The following ASH1L variants were observed in gnomAD, a reference collection of about 807,000 sequenced individuals.
ASH1L encodes ASH1 like histone lysine methyltransferase, also known as histone-lysine N-methyltransferase ASH1L.
A neutral mutation model predicts 269.0 loss-of-function variants in ASH1L; 23 were observed. The observed-to-expected ratio is 0.09, with a 90% confidence interval of 0.06 to 0.12. ASH1L has a LOEUF of 0.12. ASH1L is among the 10% of genes least tolerant of loss of function. The pLI is 1.00. For missense variants in ASH1L, 2,912 were observed against 3,567.8 expected, an observed-to-expected ratio of 0.82 and a Z score of 4.68; for synonymous variants, 1,187 against 1,253.5, an observed-to-expected ratio of 0.95 and a Z score of 1.12.
intron 16 of ASH1L, 77 bp from the exon 17 acceptor site, chr1:155,352,935 G>T (rs2148355212): frequency 7.3e-7 from 1 of 1,376,580 alleles, no homozygotes; most frequent in Non-Finnish European, 9.9e-7. Flanking sequence ...ATGGATTCCT[G>T]CCATTTGCTC....
intron 6 of ASH1L, among the ~76,000 whole-genome samples, chr1:155,401,473 A>G: frequency 7.1e-6 from 1 of 140,464 alleles, no homozygotes; most frequent in Non-Finnish European, 1.6e-5. Context: ...GCAAGACTCC[A>G]TCTCAAAAAA....
chr1:155,367,347 G>C (rs1030593706), intron 12 of ASH1L, among the ~76,000 whole-genome samples: 1 of 152,116 alleles, frequency 6.6e-6, no homozygotes, highest in Non-Finnish European at 1.5e-5. Flanking sequence ...ATATTAAAAT[G>C]TACTCAATAC....
intron 10 of ASH1L, among the ~76,000 whole-genome samples, chr1:155,372,148 C>T (rs999107309): frequency 1.6e-4 from 24 of 151,766 alleles, no homozygotes; most frequent in African/African-American, 5.1e-4. Context: ...CATACCACAA[C>T]ACCCGGGTAA....
chr1:155,478,322 G>A lies in ASH1L; in HGVS notation c.4548C>T (p.Arg1516=). The A allele has an allele frequency of 6.2e-7, 1 of 1,614,044 alleles. No individual in the cohort carries two copies. ...SSRSVLESLK[R]YRFGKDAVGE... ...CAACAGCATCCTTTCCAAATCTATA[G>A]CGCTTCAAAGATTCCAGGACAGATC... is the stretch of plus-strand genomic sequence containing the variant. Residue 1516 remains arginine (R), a synonymous_variant, in exon 3 of 28, where the codon CGC becomes CGT. Transcript: ENST00000392403. The surrounding 1 kb of genome is among the most constrained non-coding windows in gnomAD (Gnocchi z 4.6).
intron 10 of ASH1L, among the ~76,000 whole-genome samples, chr1:155,374,157 C>T (rs1234920434): frequency 2.0e-5 from 3 of 151,990 alleles, no homozygotes; most frequent in Non-Finnish European, 4.4e-5. Flanking sequence ...GGCGAAACCT[C>T]GTCTCTATTA....
At chr1:155,434,064 G>C in intron 5 of ASH1L, 1 of 1,592,348 alleles carries the variant, frequency 6.3e-7, no homozygotes. Flanking sequence ...TATGCATAAC[G>C]AGAGGATTTT....
chr1:155,357,044 T>G (rs1020858796), intron 15 of ASH1L, among the ~76,000 whole-genome samples: 5 of 135,482 alleles, frequency 3.7e-5, no homozygotes, highest in Non-Finnish European at 7.7e-5. Context: ...GGCCTCTGTA[T>G]TCCAGCCTGG....
intron 1 of ASH1L, among the ~76,000 whole-genome samples, chr1:155,529,913 G>A (rs1018323611): frequency 5.9e-5 from 9 of 151,330 alleles, no homozygotes; most frequent in African/African-American, 1.9e-4. Context: ...GCAGTGAGCC[G>A]AGATTGCGCC....
chr1:155,562,528 A>C lies in ASH1L; in HGVS notation c.-475T>G, dbSNP rs1221103425. ...CGCCTAGCGCCCCCCTCAACCTTCCACTCCTTCCTCCTTGCGTTCTTTCCC... is the reference window on the plus strand; with the variant it reads ...CGCCTAGCGCCCCCCTCAACCTTCCCCTCCTTCCTCCTTGCGTTCTTTCCC... On this transcript the variant is annotated 5_prime_UTR_variant, in exon 1 of 28. Coordinates refer to ENST00000392403, the MANE Select transcript of ASH1L (RefSeq NM_018489.3). 6.6e-7 allele frequency: 1 copy of C among 1,519,190 alleles called. No individual in the cohort carries two copies. 94.1% of individuals were successfully genotyped at this position (1,519,190 alleles called of 1,614,324 possible). A position where few individuals can be genotyped will look rare whatever the true frequency, so the allele number is the denominator to read the frequency against.
chr1:155,360,464 G>C, intron 12 of ASH1L, 55 bp from the exon 13 acceptor site: 3 of 1,033,972 alleles, frequency 2.9e-6, no homozygotes, highest in Non-Finnish European at 4.4e-6. Context: ...TTTTTTTTGA[G>C]ACGGAGTCTC....
intron 6 of ASH1L, among the ~76,000 whole-genome samples, chr1:155,412,070 C>T (rs190712736): frequency 6.6e-5 from 10 of 151,908 alleles, no homozygotes; most frequent in African/African-American, 2.4e-4. Flanking sequence ...GGTGAAACCC[C>T]GTCTCTACTA....
At chr1:155,416,437 AATT>A (rs1660215146) in intron 5 of ASH1L, among the ~76,000 whole-genome samples, 1 of 151,984 alleles carries the variant, frequency 6.6e-6, no homozygotes, top group Admixed American at 6.6e-5. Context: ...TTTAAAAGAC[AATT>A]ATTATCAGAT....
At chr1:155,357,249 A>C in intron 15 of ASH1L, 67 bp downstream of exon 15, 1 of 1,347,410 alleles carries the variant, frequency 7.4e-7, no homozygotes. Flanking sequence ...GAAGTTTCAT[A>C]ATTTTTTACA....
rs1229672429 is a variant in ASH1L at position 155,562,424 on chromosome 1, G to A, written c.-371C>T. The A allele has an allele frequency of 6.8e-7, 1 of 1,480,426 alleles. No homozygotes were observed. The highest frequency in any genetic ancestry group is 2.0e-5 in the Admixed American group (1 of 50,748). The allele number at this position is 1,480,426 out of a possible 1,614,324, so 91.7% of individuals were successfully genotyped here. On this transcript the variant is annotated 5_prime_UTR_variant, in exon 1 of 28. Coordinates refer to ENST00000392403, the MANE Select transcript of ASH1L (RefSeq NM_018489.3). ...CAAAGCGAACCCAAAATGGCGGCGGGAGCGGCGGCGGCGGCGGCGGCAGCA... is the reference window on the plus strand; with the variant it reads ...CAAAGCGAACCCAAAATGGCGGCGGAAGCGGCGGCGGCGGCGGCGGCAGCA...
At chr1:155,485,462 A>G (rs1167093116) in intron 2 of ASH1L, among the ~76,000 whole-genome samples, 2 of 152,216 alleles carry the variant, frequency 1.3e-5, no homozygotes, top group African/African-American at 4.8e-5. Context: ...TTGGGCTAAC[A>G]GGCACAAGCC....
In ASH1L at chr1:155,336,230, C is replaced by T. The variant is rs148609149; in HGVS notation, c.*1430G>A. On this transcript the variant is annotated 3_prime_UTR_variant, in exon 28 of 28. Transcript: ENST00000392403. ...TGTCTACCTAAACGAGTCAGAGCATCGTCACCATAAGGGGAAATGTACAAT... is the reference window on the plus strand; with the variant it reads ...TGTCTACCTAAACGAGTCAGAGCATTGTCACCATAAGGGGAAATGTACAAT... 6.6e-5 allele frequency: 10 copies of T among 152,372 alleles called. No homozygotes were observed. The highest frequency in any genetic ancestry group is 1.3e-4 in the Non-Finnish European group (9 of 67,986). 9.4% of individuals were successfully genotyped at this position (152,372 alleles called of 1,614,324 possible).
In ASH1L at chr1:155,354,552, G is replaced by A. The variant is rs1654201847; in HGVS notation, c.7134C>T (p.His2378=). ...ATGCTGAGTGAATATTATCACTGGT[G>A]TGCTTTACTTCCTCCTGTTTTTGAC... The part of the protein sequence containing the change: ...KIRQKQEEVK[H]TSDNIHSASL... Residue 2378 remains histidine, a synonymous_variant, in exon 16 of 28, where the codon CAC becomes CAT. Coordinates refer to ENST00000392403, the MANE Select transcript of ASH1L (RefSeq NM_018489.3). 1 of 1,613,840 alleles carries A rather than the reference G, an allele frequency of 6.2e-7. No homozygotes were observed. The highest frequency in any genetic ancestry group is 1.7e-5 in the Admixed American group (1 of 59,944).
intron 4 of ASH1L, among the ~76,000 whole-genome samples, chr1:155,441,228 A>C (rs1192080560): frequency 6.6e-6 from 1 of 152,172 alleles, no homozygotes; most frequent in African/African-American, 2.4e-5. Context: ...CTTAGCAAAG[A>C]AATTCAATAG....
intron 10 of ASH1L, among the ~76,000 whole-genome samples, chr1:155,377,796 T>G (rs1335623336): frequency 2.0e-5 from 3 of 152,032 alleles, no homozygotes; most frequent in Admixed American, 6.6e-5. Flanking sequence ...AGGCCGAGGC[T>G]GGTGGATCAC....
Sources: gnomAD v4.1 joint callset for allele counts (sites outside exome capture counted in the v4.1 genomes callset) on GRCh38, gnomAD v4.1.1 for gene constraint, Gnocchi (gnomAD v3.1) non-coding constraint, MANE v1.5 for transcripts, NCBI Gene and HGNC (gene_info 2026-07-23, HGNC 2026-07-21) for gene names.